Variants in PDE4B observed in about 807,000 individuals in gnomAD.
The protein encoded by PDE4B is phosphodiesterase 4B.
A neutral mutation model predicts 82.2 loss-of-function variants in PDE4B; 20 were observed. The observed-to-expected ratio is 0.24, with a 90% confidence interval of 0.17 to 0.35. The LOEUF (loss-of-function observed/expected upper bound fraction) is 0.35. PDE4B is among the 10% of genes least tolerant of loss of function. PDE4B has a pLI of 1.00. For missense variants in PDE4B, 655 were observed against 907.2 expected, an observed-to-expected ratio of 0.72 and a Z score of 3.57; for synonymous variants, 320 against 318.9, an observed-to-expected ratio of 1.00 and a Z score of -0.04.
At chr1:65,937,408 C>T (rs554205832) in intron 3 of PDE4B, among the ~76,000 whole-genome samples, 5 of 152,168 alleles carry the variant, frequency 3.3e-5, no homozygotes, top group African/African-American at 1.2e-4. Context: ...AGTTGACAGT[C>T]GCATGAGGCT....
intron 4 of PDE4B, among the ~76,000 whole-genome samples, chr1:66,254,275 G>C (rs141392823): frequency 6.6e-6 from 1 of 152,062 alleles, no homozygotes; most frequent in African/African-American, 2.4e-5. Context: ...GGAAAGAAAA[G>C]AATCAGAACA....
At position 65,910,390 on chromosome 1, in the gene PDE4B, A is replaced by C. The variant is rs77941928; in HGVS notation, c.-70-2855A>C. Among the ~76,000 whole-genome samples the C allele has an allele frequency of 6.0e-3, 914 of 152,268 alleles. 36 individuals carry two copies. In the East Asian group the frequency reaches 0.11, roughly 19 times the overall value. The stretch of plus-strand genomic sequence containing the variant: ...GTAGGTTCTACTCATTTATTCTTTC[A>C]ATACTTATTTATTGAGACTTGCTTG... On this transcript the variant is annotated intron_variant, in intron 1 of 16. Transcript: ENST00000341517.
intron 7 of PDE4B, among the ~76,000 whole-genome samples, chr1:66,266,489 T>C (rs908428450): frequency 1.1e-4 from 16 of 152,212 alleles, no homozygotes; most frequent in African/African-American, 3.9e-4. Context: ...GATATGTTAG[T>C]GGTTTCCCTC....
chr1:65,812,723 G>A (rs1005692663), intron 1 of PDE4B, among the ~76,000 whole-genome samples: 5 of 152,146 alleles, frequency 3.3e-5, no homozygotes, highest in African/African-American at 7.2e-5. Context: ...CTGAGGGGAC[G>A]ACTGTCTCAG....
intron 3 of PDE4B, among the ~76,000 whole-genome samples, chr1:66,212,910 T>C (rs927278550): frequency 1.1e-4 from 16 of 152,332 alleles, no homozygotes; most frequent in African/African-American, 2.6e-4. Context: ...AGATAACAGC[T>C]GTTCAAGTCA....
chr1:66,014,132 A>T (rs1399708522), intron 3 of PDE4B, among the ~76,000 whole-genome samples: 1 of 152,022 alleles, frequency 6.6e-6, no homozygotes. Context: ...TGTACATTTT[A>T]AAATTGGCTT....
intron 9 of PDE4B, among the ~76,000 whole-genome samples, chr1:66,360,275 A>T (rs1570771619): frequency 1.3e-5 from 2 of 152,168 alleles, no homozygotes; most frequent in Middle Eastern, 3.4e-3. Context: ...TATGTTAGGG[A>T]TGGATAATTC....
chr1:66,036,224 G>A (rs1411526939), intron 3 of PDE4B, among the ~76,000 whole-genome samples: 2 of 152,062 alleles, frequency 1.3e-5, no homozygotes, highest in Non-Finnish European at 2.9e-5. Flanking sequence ...TTGGATATTA[G>A]CCCCTTATCC....
At chr1:66,321,861 C>G (rs1184979779) in intron 7 of PDE4B, among the ~76,000 whole-genome samples, 2 of 151,462 alleles carry the variant, frequency 1.3e-5, no homozygotes. Context: ...GCCCGCATGG[C>G]CAAGACAATC....
At chr1:66,274,694 A>G (rs962166488) in intron 7 of PDE4B, among the ~76,000 whole-genome samples, 1 of 152,142 alleles carries the variant, frequency 6.6e-6, no homozygotes, top group Non-Finnish European at 1.5e-5. Context: ...GGTTGTAAGG[A>G]TTAAATATGT....
At chr1:65,800,620 C>T (rs1229861803) in intron 1 of PDE4B, among the ~76,000 whole-genome samples, 1 of 152,130 alleles carries the variant, frequency 6.6e-6, no homozygotes, top group African/African-American at 2.4e-5. Flanking sequence ...TTTGGTGAAA[C>T]TTCAGATTAG....
chr1:65,928,553 T>C (rs191581825), intron 3 of PDE4B, among the ~76,000 whole-genome samples: 112 of 152,266 alleles, frequency 7.4e-4, no homozygotes, highest in African/African-American at 2.6e-3. Context: ...TATTTAAATT[T>C]TGTGGTTGAG....
chr1:66,068,785 T>C (rs1190210054), intron 3 of PDE4B, among the ~76,000 whole-genome samples: 2 of 151,950 alleles, frequency 1.3e-5, no homozygotes, highest in East Asian at 3.9e-4. Context: ...AAAAGGAAGA[T>C]CCAAATGAGA....
chr1:66,177,464 CTT>C (rs1340421403), intron 3 of PDE4B, among the ~76,000 whole-genome samples: 1 of 152,198 alleles, frequency 6.6e-6, no homozygotes, highest in Non-Finnish European at 1.5e-5. Context: ...ATTCAGGTGA[CTT>C]TGTAGAAATA....
Position 65,842,446 on chromosome 1 carries a change from C to CA in PDE4B, c.-71+49198_-71+49199insA, listed in dbSNP as rs1646218147. Reference sequence around the variant, plus strand: ...GTGGTATAATAAAACATGCAAACAACTAAAACATAGGACAACATATATTGT... The same window carrying CA: ...GTGGTATAATAAAACATGCAAACAACATAAAACATAGGACAACATATATTGT... On this transcript the variant is annotated intron_variant, in intron 1 of 16. Transcript: ENST00000341517. Among the ~76,000 whole-genome samples the CA allele has an allele frequency of 2.6e-5, 4 of 151,992 alleles. No individual in the cohort carries two copies. The East Asian group carries it at 7.7e-4, about 29-fold the overall frequency.
intron 3 of PDE4B, among the ~76,000 whole-genome samples, chr1:66,102,667 A>G (rs1256996109): frequency 6.6e-6 from 1 of 152,108 alleles, no homozygotes; most frequent in Non-Finnish European, 1.5e-5. Flanking sequence ...GGAAACAAAT[A>G]TCTTTTGTAT....
chr1:65,867,236 G>A lies in PDE4B; in HGVS notation c.-70-46009G>A, dbSNP rs138942126. On this transcript the variant is annotated intron_variant, in intron 1 of 16. Transcript: ENST00000341517. ...AGGGACATTTAAATGAGACGATAAGGACCAAATGATGGACTATTAGACTTC... is the reference window on the plus strand; with the variant it reads ...AGGGACATTTAAATGAGACGATAAGAACCAAATGATGGACTATTAGACTTC... Among the ~76,000 whole-genome samples, 5 of 152,066 alleles carry A rather than the reference G, an allele frequency of 3.3e-5. No individual in the cohort carries two copies. In the East Asian group the frequency reaches 9.7e-4, roughly 29 times the overall value.
intron 3 of PDE4B, among the ~76,000 whole-genome samples, chr1:66,065,075 A>G (rs774318876): frequency 3.9e-5 from 6 of 151,900 alleles, no homozygotes; most frequent in Non-Finnish European, 7.4e-5. Flanking sequence ...TTTTCTTTCA[A>G]GATTTTAAAT....
intron 1 of PDE4B, among the ~76,000 whole-genome samples, chr1:65,814,912 A>G (rs1645863032): frequency 6.6e-6 from 1 of 151,884 alleles, no homozygotes; most frequent in African/African-American, 2.4e-5. Context: ...GTAAATACCT[A>G]GTTATGGAAA....
Sources: allele counts gnomAD v4.1 joint callset (sites outside exome capture counted in the v4.1 genomes callset), GRCh38; gene constraint gnomAD v4.1.1; transcripts MANE v1.5; gene names NCBI Gene and HGNC (gene_info 2026-07-23, HGNC 2026-07-21).